FRYL: variants seen among roughly 807,000 people sequenced by gnomAD.
The protein encoded by FRYL is protein furry homolog-like.
FRYL carries 150 observed loss-of-function variants against 351.2 expected under a neutral mutation model. The ratio of observed to expected loss-of-function variants is 0.43; its 90% CI spans 0.37 to 0.49. The LOEUF is 0.49. Ranked by LOEUF, FRYL falls within the 20% of genes least tolerant of loss-of-function variation. The pLI is 0.00. For synonymous variants in FRYL, 1,153 were observed against 1,257.1 expected, an observed-to-expected ratio of 0.92 and a Z score of 1.75; for missense variants, 3,036 against 3,619.3, an observed-to-expected ratio of 0.84 and a Z score of 4.13.
intron 3 of FRYL, among the ~76,000 whole-genome samples, chr4:48,645,770 C>T (rs1441227226): frequency 4.6e-5 from 7 of 152,112 alleles, no homozygotes; most frequent in African/African-American, 1.7e-4. Flanking sequence ...AATAATTTTA[C>T]TTAAAGTTGA....
intron 17 of FRYL, 138 bp downstream of exon 17, chr4:48,590,518 CAGA>C (rs1743032715): frequency 1.8e-6 from 1 of 551,674 alleles, no homozygotes; most frequent in East Asian, 3.3e-5. Context: ...AAAAAAAACC[CAGA>C]AGTATTCATT....
intron 1 of FRYL, among the ~76,000 whole-genome samples, chr4:48,732,643 G>A (rs955959720): frequency 2.6e-5 from 4 of 151,924 alleles, no homozygotes; most frequent in African/African-American, 9.7e-5. Context: ...GGATGAAGCT[G>A]GAAACCATCA....
chr4:48,570,892 G>A lies in FRYL; in HGVS notation c.2931C>T (p.Asp977=), dbSNP rs1163790977. Residue 977 remains aspartate (D), a synonymous_variant, in exon 27 of 64, where the codon GAC becomes GAT. Coordinates refer to ENST00000358350, the MANE Select transcript of FRYL (RefSeq NM_015030.2). ...TTCGTACCAGTTGTACTCGTAAAAT[G>A]TCTCGACGCCTGCGCCGTTTCATAT... The part of the protein sequence containing the change: ...PENMKRRRRR[D]ILRVQLVRIF... 1.2e-6 allele frequency: 2 copies of A among 1,613,652 alleles called. No individual in the cohort carries two copies. The highest frequency in any genetic ancestry group is 1.7e-6 in the Non-Finnish European group (2 of 1,179,708).
chr4:48,709,395 A>C (rs1767767222), intron 2 of FRYL, among the ~76,000 whole-genome samples: 1 of 152,188 alleles, frequency 6.6e-6, no homozygotes, highest in South Asian at 2.1e-4. Flanking sequence ...GAGTGAAATG[A>C]AGGAAAGTCC....
chr4:48,647,912 C>G (rs1263758788), intron 3 of FRYL, among the ~76,000 whole-genome samples: 1 of 152,150 alleles, frequency 6.6e-6, no homozygotes, highest in African/African-American at 2.4e-5. Flanking sequence ...TCAACAGATA[C>G]ATTTCTGAAA....
At chr4:48,756,232 CAAA>C (rs1228377900) in intron 1 of FRYL, among the ~76,000 whole-genome samples, 4 of 97,060 alleles carry the variant, frequency 4.1e-5, no homozygotes, top group Non-Finnish European at 2.2e-5. Context: ...GACTTTGTCT[CAAA>C]AAAAAAAAAA....
chr4:48,570,188 C>CTTGA (rs1033151375), intron 27 of FRYL, among the ~76,000 whole-genome samples: 1 of 151,856 alleles, frequency 6.6e-6, no homozygotes, highest in Non-Finnish European at 1.5e-5. Context: ...TCTCCTTCAA[C>CTTGA]GGTCAGGTAA....
At chr4:48,608,901 C>T (rs1747423287) in intron 9 of FRYL, 86 bp downstream of exon 9, 7 of 822,916 alleles carry the variant, frequency 8.5e-6, no homozygotes, top group African/African-American at 3.4e-5. Flanking sequence ...TGGTGGATTT[C>T]GAACTATCAG....
At chr4:48,502,788 G>GC in intron 61 of FRYL, 40 bp downstream of exon 61, 1 of 1,555,524 alleles carries the variant, frequency 6.4e-7, no homozygotes, top group Non-Finnish European at 8.8e-7. Flanking sequence ...AGTTTGTCTG[G>GC]CAAGGGTGAG....
chr4:48,723,896 G>A (rs1393725084), intron 1 of FRYL, among the ~76,000 whole-genome samples: 3 of 149,336 alleles, frequency 2.0e-5, no homozygotes, highest in African/African-American at 7.4e-5. Context: ...GACCAGCCCA[G>A]GCAATATAGT....
intron 4 of FRYL, among the ~76,000 whole-genome samples, chr4:48,626,307 TAAG>T (rs1399684335): frequency 6.6e-6 from 1 of 151,236 alleles, no homozygotes; most frequent in African/African-American, 2.5e-5. Flanking sequence ...TGTTTATATT[TAAG>T]TTTAAAGATA....
At chr4:48,680,587 G>T (rs1315642255) in intron 3 of FRYL, among the ~76,000 whole-genome samples, 3 of 151,684 alleles carry the variant, frequency 2.0e-5, no homozygotes, top group Non-Finnish European at 2.9e-5. Context: ...AATTTAAATG[G>T]TTTCTATAGT....
chr4:48,554,017 G>A (rs928752730), intron 35 of FRYL, among the ~76,000 whole-genome samples: 2 of 152,144 alleles, frequency 1.3e-5, no homozygotes, highest in African/African-American at 4.8e-5. Context: ...GGTTTATAAT[G>A]CACTTTAAAA....
At chr4:48,746,292 C>A (rs1258506672) in intron 1 of FRYL, among the ~76,000 whole-genome samples, 1 of 151,924 alleles carries the variant, frequency 6.6e-6, no homozygotes, top group Non-Finnish European at 1.5e-5. Context: ...TGCAGCTGGG[C>A]ACGGTGGCTC....
chr4:48,726,559 G>A (rs1261029471), intron 1 of FRYL, among the ~76,000 whole-genome samples: 1 of 152,172 alleles, frequency 6.6e-6, no homozygotes, highest in Non-Finnish European at 1.5e-5. Flanking sequence ...GCGTATGCCT[G>A]TAATCCCAGC....
At chr4:48,575,488 T>C (rs1266501808) in intron 24 of FRYL, among the ~76,000 whole-genome samples, 2 of 152,184 alleles carry the variant, frequency 1.3e-5, no homozygotes, top group African/African-American at 4.8e-5. Flanking sequence ...GATCATATAA[T>C]AGGCTGACTC....
chr4:48,586,862 A>G (rs1163371311), intron 18 of FRYL, 134 bp from the exon 19 acceptor site: 12 of 580,772 alleles, frequency 2.1e-5, no homozygotes, highest in Admixed American at 3.5e-5. Context: ...AAAAATGCAC[A>G]TAAATCCTGT....
At chr4:48,573,324 A>G (rs1738787841) in intron 25 of FRYL, 81 bp from the exon 26 acceptor site, 2 of 911,456 alleles carry the variant, frequency 2.2e-6, no homozygotes, top group South Asian at 1.4e-5. Context: ...AACATGATGT[A>G]AACTGACAAG....
At chr4:48,505,481 G>C (rs1720702447) in intron 60 of FRYL, 66 bp downstream of exon 60, 1 of 855,014 alleles carries the variant, frequency 1.2e-6, no homozygotes, top group Admixed American at 1.9e-5. Flanking sequence ...AAGGATATTT[G>C]AACACATGCA....
Sources: gnomAD v4.1 joint callset for allele counts (sites outside exome capture counted in the v4.1 genomes callset) on GRCh38, gnomAD v4.1.1 for gene constraint, MANE v1.5 for transcripts, NCBI Gene and HGNC (gene_info 2026-07-23, HGNC 2026-07-21) for gene names.